The following CDH18 variants were observed in gnomAD, a reference collection of about 807,000 sequenced individuals.
CDH18 encodes cadherin 18, also known as cadherin-18.
CDH18 carries 31 observed loss-of-function variants against 67.9 expected under a neutral mutation model. The ratio of observed to expected loss-of-function variants is 0.46; its 90% CI spans 0.34 to 0.62. CDH18 has a LOEUF of 0.62. CDH18 is among the 20% of genes least tolerant of loss of function. CDH18 has a pLI of 0.01. For synonymous variants in CDH18, 362 were observed against 347.2 expected, an observed-to-expected ratio of 1.04 and a Z score of -0.48; for missense variants, 890 against 975.5, an observed-to-expected ratio of 0.91 and a Z score of 1.17.
At chr5:20,532,267 C>T (rs1756453053) in intron 1 of CDH18, among the ~76,000 whole-genome samples, 1 of 152,000 alleles carries the variant, frequency 6.6e-6, no homozygotes, top group Non-Finnish European at 1.5e-5. Flanking sequence ...GATTTTAGAT[C>T]CTGTTTATTG....
At chr5:19,859,994 GT>G in intron 2 of CDH18, among the ~76,000 whole-genome samples, 1 of 150,082 alleles carries the variant, frequency 6.7e-6, no homozygotes, top group Non-Finnish European at 1.5e-5. Flanking sequence ...CTTTGGGTGT[GT>G]GTGTGTGTGT....
intron 2 of CDH18, among the ~76,000 whole-genome samples, chr5:20,119,247 A>G (rs1240856727): frequency 6.6e-6 from 1 of 152,188 alleles, no homozygotes; most frequent in Non-Finnish European, 1.5e-5. Context: ...TTCTTCCCTC[A>G]GAACAAAATT....
intron 2 of CDH18, among the ~76,000 whole-genome samples, chr5:19,843,861 T>C (rs755295649): frequency 6.6e-6 from 1 of 152,232 alleles, no homozygotes; most frequent in Non-Finnish European, 1.5e-5. Context: ...ATTTAATGAC[T>C]GTCCCGCTAG....
intron 3 of CDH18, among the ~76,000 whole-genome samples, chr5:19,820,131 G>A (rs76644435): frequency 0.011 from 1,688 of 152,224 alleles, 29 homozygotes; most frequent in African/African-American, 0.038. Flanking sequence ...TCAGAACATT[G>A]AAACCAATGT....
chr5:19,975,023 G>C (rs1798371616), intron 2 of CDH18, among the ~76,000 whole-genome samples: 1 of 152,168 alleles, frequency 6.6e-6, no homozygotes, highest in Non-Finnish European at 1.5e-5. Flanking sequence ...AGTAGGCCAA[G>C]AAGGAAATGT....
intron 8 of CDH18, among the ~76,000 whole-genome samples, chr5:19,554,443 G>A (rs1175570842): frequency 6.6e-6 from 1 of 152,054 alleles, no homozygotes; most frequent in Non-Finnish European, 1.5e-5. Context: ...CCAGATACTT[G>A]GAAGACTGAG....
At chr5:19,617,360 C>G (rs1750008541) in intron 5 of CDH18, among the ~76,000 whole-genome samples, 1 of 152,178 alleles carries the variant, frequency 6.6e-6, no homozygotes, top group African/African-American at 2.4e-5. Flanking sequence ...TTGGCCATTT[C>G]TGTCATGTAT....
chr5:20,122,264 A>AT (rs1319738978), intron 2 of CDH18, among the ~76,000 whole-genome samples: 4 of 152,314 alleles, frequency 2.6e-5, no homozygotes, highest in African/African-American at 9.6e-5. Flanking sequence ...ATGTCATTAG[A>AT]TGTAAGCCTT....
At chr5:20,026,950 G>A (rs979439318) in intron 2 of CDH18, among the ~76,000 whole-genome samples, 5 of 150,468 alleles carry the variant, frequency 3.3e-5, no homozygotes, top group African/African-American at 4.9e-5. Flanking sequence ...GCGTGACTCC[G>A]TTTCAAACAT....
chr5:20,069,420 T>TTTAC (rs1162749026), intron 2 of CDH18, among the ~76,000 whole-genome samples: 1 of 150,596 alleles, frequency 6.6e-6, no homozygotes, highest in Non-Finnish European at 1.5e-5. Flanking sequence ...TATTTATTTA[T>TTTAC]TTATTTATTT....
At chr5:20,486,705 ATGTG>A (rs951073176) in intron 1 of CDH18, among the ~76,000 whole-genome samples, 4 of 149,694 alleles carry the variant, frequency 2.7e-5, no homozygotes, top group Non-Finnish European at 5.9e-5. Flanking sequence ...ATATACATAT[ATGTG>A]TGTGTGTGTA....
chr5:19,620,071 C>T (rs1197264916), intron 5 of CDH18, among the ~76,000 whole-genome samples: 1 of 152,150 alleles, frequency 6.6e-6, no homozygotes, highest in Non-Finnish European at 1.5e-5. Flanking sequence ...TACTTAGCTG[C>T]AAGCTATGAC....
At chr5:19,728,061 G>A (rs546559938) in intron 4 of CDH18, among the ~76,000 whole-genome samples, 3 of 151,952 alleles carry the variant, frequency 2.0e-5, no homozygotes, top group African/African-American at 4.8e-5. Context: ...TACCCTCTAC[G>A]TGCTAGACTT....
At chr5:20,095,709 A>G (rs1373844464) in intron 2 of CDH18, among the ~76,000 whole-genome samples, 1 of 151,948 alleles carries the variant, frequency 6.6e-6, no homozygotes, top group Non-Finnish European at 1.5e-5. Flanking sequence ...GGCAATGTAG[A>G]TATCATAGGA....
chr5:20,354,122 G>A (rs1741417916), intron 1 of CDH18, among the ~76,000 whole-genome samples: 1 of 151,970 alleles, frequency 6.6e-6, no homozygotes, highest in Non-Finnish European at 1.5e-5. Flanking sequence ...TTATTTTTTT[G>A]ATAGTTTTAA....
intron 2 of CDH18, among the ~76,000 whole-genome samples, chr5:20,053,140 A>G (rs897166108): frequency 6.6e-6 from 1 of 151,962 alleles, no homozygotes; most frequent in Non-Finnish European, 1.5e-5. Flanking sequence ...ACCCACTTAG[A>G]TATTTTTACA....
At chr5:19,696,226 T>C (rs558493349) in intron 5 of CDH18, among the ~76,000 whole-genome samples, 4 of 12,682 alleles carry the variant, frequency 3.2e-4, no homozygotes, top group East Asian at 0.083. Flanking sequence ...ACCAAATATA[T>C]GTGTGTGTGT....
chr5:19,603,888 C>T (rs912254073), intron 6 of CDH18, among the ~76,000 whole-genome samples: 3 of 150,620 alleles, frequency 2.0e-5, no homozygotes, highest in African/African-American at 7.3e-5. Flanking sequence ...ATTTTTTTTA[C>T]TTTTTAATTT....
intron 3 of CDH18, among the ~76,000 whole-genome samples, chr5:19,835,520 A>C (rs2150011145): frequency 6.6e-6 from 1 of 152,156 alleles, no homozygotes; most frequent in Middle Eastern, 3.4e-3. Flanking sequence ...GAGTACTATG[A>C]AAATAATTGG....
Sources: allele counts gnomAD v4.1 joint callset (sites outside exome capture counted in the v4.1 genomes callset), GRCh38; gene constraint gnomAD v4.1.1; transcripts MANE v1.5; gene names NCBI Gene and HGNC (gene_info 2026-07-23, HGNC 2026-07-21).